Variants in ZNF821 observed in about 807,000 individuals in gnomAD.
ZNF821 encodes zinc finger protein 821.
A neutral mutation model predicts 44.3 loss-of-function variants in ZNF821; 16 were observed. The observed-to-expected ratio is 0.36, with a 90% CI of 0.24 to 0.55. The LOEUF is 0.55. Among genes scored for constraint, ZNF821 ranks in the 20% least tolerant of loss-of-function variants. The pLI, the probability that ZNF821 is intolerant of heterozygous loss-of-function variation, is 0.86. For synonymous variants in ZNF821, 204 were observed against 197.6 expected (o/e 1.03, Z -0.27); for missense variants, 436 against 547.6 (o/e 0.80, Z 2.03).
At chr16:71,895,105 GA>G (rs948650824) in exon 1 of ZNF821, 26 of 361,812 alleles carry the variant, frequency 7.2e-5, no homozygotes, top group Admixed American at 6.0e-4. Context: ...CACCCAGGGG[GA>G]AAGTCCAGCG....
At chr16:71,872,179 T>C (rs940103609) in intron 3 of ZNF821, among the ~76,000 whole-genome samples, 4 of 152,066 alleles carry the variant, frequency 2.6e-5, no homozygotes, top group Non-Finnish European at 5.9e-5. Context: ...GTAAGCAAGT[T>C]TGGAGAACAG....
At chr16:71,864,302 G>T in intron 5 of ZNF821, 60 bp from the exon 6 acceptor site, 1 of 1,488,190 alleles carries the variant, frequency 6.7e-7, no homozygotes, top group Non-Finnish European at 9.4e-7. Context: ...CCCTGCCCCA[G>T]CTTTTTAAAC....
intron 2 of ZNF821, 148 bp from the exon 3 acceptor site, chr16:71,880,171 T>C (rs984024992): frequency 1.6e-5 from 7 of 436,696 alleles, no homozygotes; most frequent in Non-Finnish European, 4.0e-6. Context: ...AAGAAAGAAA[T>C]GAATAAATCT....
intron 1 of ZNF821, 88 bp from the exon 2 acceptor site, chr16:71,883,361 A>G: frequency 2.7e-6 from 1 of 369,746 alleles, no homozygotes; most frequent in South Asian, 2.0e-5. Context: ...GGCGTGTCTA[A>G]TCAGCCGAGA....
intron 3 of ZNF821, among the ~76,000 whole-genome samples, chr16:71,874,575 C>G (rs936043339): frequency 6.6e-6 from 1 of 151,874 alleles, no homozygotes; most frequent in Non-Finnish European, 1.5e-5. Flanking sequence ...TGCCTCAGCC[C>G]CCCAAGTAGC....
chr16:71,876,032 C>G (rs2035777661), intron 3 of ZNF821, among the ~76,000 whole-genome samples: 1 of 152,206 alleles, frequency 6.6e-6, no homozygotes, highest in African/African-American at 2.4e-5. Context: ...CCTGGCCTTA[C>G]TACAATCACA....
upstream of ZNF821, among the ~76,000 whole-genome samples, chr16:71,885,730 C>T (rs933435624): frequency 3.3e-5 from 5 of 152,142 alleles, no homozygotes; most frequent in African/African-American, 1.2e-4. Context: ...TGATAAATAG[C>T]TCATTCATCA....
At chr16:71,871,462 A>C (rs192773884) in intron 3 of ZNF821, among the ~76,000 whole-genome samples, 1 of 152,326 alleles carries the variant, frequency 6.6e-6, no homozygotes, top group Admixed American at 6.5e-5. Context: ...CTCCAAATAA[A>C]ATTGTCCAGA....
chr16:71,861,994 T>C, intron 6 of ZNF821, 52 bp from the exon 7 acceptor site: 2 of 1,589,962 alleles, frequency 1.3e-6, no homozygotes, highest in Non-Finnish European at 8.6e-7. Context: ...CAGGACAATC[T>C]GCACCCACTT....
At chr16:71,864,291 T>C in intron 5 of ZNF821, 49 bp from the exon 6 acceptor site, 4 of 1,529,024 alleles carry the variant, frequency 2.6e-6, no homozygotes, top group Non-Finnish European at 3.6e-6. Flanking sequence ...ACTCATCTCT[T>C]CCCTGCCCCA....
chr16:71,893,963 A>G (rs2036914997), intron 1 of ZNF821: 1 of 150,692 alleles, frequency 6.6e-6, no homozygotes. Context: ...TTTTTTTAGT[A>G]GAGACGAGAT....
At chr16:71,864,023 T>C (rs2335714) in intron 6 of ZNF821, 115 bp downstream of exon 6, 698,568 of 891,742 alleles carry the variant, frequency 0.78, 275,969 homozygotes, top group East Asian at 0.97. Flanking sequence ...TTAATAGAAG[T>C]GACAACCCAA....
chr16:71,879,765 C>T (rs936550252), intron 3 of ZNF821, 142 bp downstream of exon 3: 46 of 789,698 alleles, frequency 5.8e-5, no homozygotes, highest in Non-Finnish European at 8.6e-5. Flanking sequence ...TTCTTTTTTT[C>T]TCTTCTGCTC....
exon 1 of ZNF821, chr16:71,895,241 A>T (rs956011686): frequency 1.2e-5 from 2 of 164,370 alleles, no homozygotes; most frequent in Non-Finnish European, 2.7e-5. Flanking sequence ...GAGTCCGAGA[A>T]TCAACAGCTG....
rs1002272045 is a variant in ZNF821, at chr16:71,869,640, C to CT, written c.41-1604dup. ...CACATCTAACTCTAATGTCCTTTTT[C>CT]TTTTTTTTTCTTTTTGAGACAGGGT... On this transcript the variant is annotated intron_variant, in intron 3 of 7. Transcript: ENST00000425432. Among the ~76,000 whole-genome samples, 14 of 151,402 alleles carry CT rather than the reference C, an allele frequency of 9.2e-5. No homozygotes were observed. In the South Asian group the frequency reaches 1.7e-3, roughly 18 times the overall value.
chr16:71,893,394 T>A (rs1003194376), intron 1 of ZNF821, among the ~76,000 whole-genome samples: 2 of 149,664 alleles, frequency 1.3e-5, no homozygotes, highest in Non-Finnish European at 3.0e-5. Context: ...ACTCCTGACC[T>A]CAGGTGATCC....
chr16:71,877,634 T>A (rs1415963327), intron 3 of ZNF821, among the ~76,000 whole-genome samples: 1 of 152,000 alleles, frequency 6.6e-6, no homozygotes, highest in Non-Finnish European at 1.5e-5. Flanking sequence ...AATGTAGGGT[T>A]TTAGCCAGCT....
In ZNF821 at chr16:71,863,783, C is replaced by T. The variant is rs148676128; in HGVS notation, c.417+355G>A. On this transcript the variant is annotated intron_variant, in intron 6 of 7. Transcript: ENST00000425432. ...CGTGATCTTGGCTCACTGCGACCTCCGCCTACTGGGTTCAAGCAATTCTCC... is the reference window on the plus strand; with the variant it reads ...CGTGATCTTGGCTCACTGCGACCTCTGCCTACTGGGTTCAAGCAATTCTCC... Among the ~76,000 whole-genome samples, 463 of 152,162 alleles carry T rather than the reference C, an allele frequency of 3.0e-3. 2 individuals are homozygous for T. Among genetic ancestry groups the T allele is most frequent in the African/African-American group, 0.01 (426 of 41,488 alleles).
intron 4 of ZNF821, among the ~76,000 whole-genome samples, chr16:71,865,996 C>T (rs920137240): frequency 2.0e-5 from 3 of 152,234 alleles, no homozygotes; most frequent in Non-Finnish European, 4.4e-5. Context: ...AAACAAATAA[C>T]GAACGTAGTT....
Sources: gnomAD v4.1 joint callset for allele counts (sites outside exome capture counted in the v4.1 genomes callset) on GRCh38, gnomAD v4.1.1 for gene constraint, MANE v1.5 for transcripts, NCBI Gene and HGNC (gene_info 2026-07-23, HGNC 2026-07-21) for gene names.